SPOCK1: variants seen among roughly 807,000 people sequenced by gnomAD.
SPOCK1 encodes the protein SPARC (osteonectin), cwcv and kazal like domains proteoglycan 1.
A neutral mutation model predicts 55.3 loss-of-function variants in SPOCK1; 23 were observed. That is an observed-to-expected ratio of 0.42 (90% CI 0.30 to 0.59). SPOCK1 has a LOEUF of 0.59. Among genes scored for constraint, SPOCK1 ranks in the 20% least tolerant of loss-of-function variants. SPOCK1 has a pLI of 0.22. For synonymous variants in SPOCK1, 226 were observed against 221.0 expected (o/e 1.02, Z -0.20); for missense variants, 499 against 552.5 (o/e 0.90, Z 0.97).
At chr5:137,300,587 C>G (rs1757570855) in intron 2 of SPOCK1, among the ~76,000 whole-genome samples, 1 of 152,208 alleles carries the variant, frequency 6.6e-6, no homozygotes, top group Admixed American at 6.5e-5. Context: ...GCTGAAACTG[C>G]TCAGTTCTTC....
At chr5:137,042,279 G>A (rs1029710838) in intron 6 of SPOCK1, among the ~76,000 whole-genome samples, 7 of 152,224 alleles carry the variant, frequency 4.6e-5, no homozygotes, top group Admixed American at 3.9e-4. Context: ...AAACAGATCA[G>A]TGGTTCCCAG....
intron 2 of SPOCK1, among the ~76,000 whole-genome samples, chr5:137,269,095 A>G (rs960903771): frequency 6.6e-6 from 1 of 152,226 alleles, no homozygotes; most frequent in Admixed American, 6.5e-5. Context: ...ATTTTTACCT[A>G]TTTCTTAGGG....
intron 3 of SPOCK1, among the ~76,000 whole-genome samples, chr5:137,170,751 A>G (rs1398764114): frequency 6.6e-6 from 1 of 152,170 alleles, no homozygotes; most frequent in Non-Finnish European, 1.5e-5. Context: ...CTCCAGAACT[A>G]TGAGAAAATA....
chr5:136,994,680 C>G (rs1038686362), intron 6 of SPOCK1, among the ~76,000 whole-genome samples: 9 of 151,164 alleles, frequency 6.0e-5, no homozygotes, highest in African/African-American at 2.2e-4. Flanking sequence ...CTTGTGTTAT[C>G]TAGTAAGCTG....
At chr5:137,287,072 A>C (rs1300426716) in intron 2 of SPOCK1, among the ~76,000 whole-genome samples, 2 of 152,186 alleles carry the variant, frequency 1.3e-5, no homozygotes, top group Non-Finnish European at 2.9e-5. Context: ...AATAGGTGGC[A>C]CCCAGGGTCA....
chr5:137,371,116 C>A (rs1180485552), intron 2 of SPOCK1, among the ~76,000 whole-genome samples: 1 of 152,206 alleles, frequency 6.6e-6, no homozygotes, highest in Non-Finnish European at 1.5e-5. Context: ...TTCTGAAATA[C>A]CCAGTGTGCT....
intron 3 of SPOCK1, among the ~76,000 whole-genome samples, chr5:137,198,314 T>G (rs1309394265): frequency 6.6e-6 from 1 of 152,264 alleles, no homozygotes; most frequent in African/African-American, 2.4e-5. Context: ...GAAGAGACTC[T>G]GAAAGGATAA....
intron 3 of SPOCK1, among the ~76,000 whole-genome samples, chr5:137,186,895 G>A (rs1398785493): frequency 6.6e-6 from 1 of 152,102 alleles, no homozygotes. Context: ...TAACTCCAAA[G>A]GCCACATCAA....
intron 2 of SPOCK1, among the ~76,000 whole-genome samples, chr5:137,372,332 T>C (rs1450756978): frequency 6.6e-6 from 1 of 152,196 alleles, no homozygotes; most frequent in East Asian, 1.9e-4. Flanking sequence ...GAACCCCACA[T>C]TCTGCCAACC....
intron 6 of SPOCK1, among the ~76,000 whole-genome samples, chr5:137,022,326 T>G (rs1481751792): frequency 6.6e-6 from 1 of 152,060 alleles, no homozygotes; most frequent in Non-Finnish European, 1.5e-5. Context: ...ATGCCAAACA[T>G]GGAAGAATGC....
At chr5:137,400,789 A>C (rs1751957568) in intron 2 of SPOCK1, among the ~76,000 whole-genome samples, 1 of 152,144 alleles carries the variant, frequency 6.6e-6, no homozygotes, top group Non-Finnish European at 1.5e-5. Flanking sequence ...ATGGGCAAAC[A>C]CCCAAACACA....
Position 137,269,541 on chromosome 5 carries a change from A to G in SPOCK1, c.187-2486T>C, listed in dbSNP as rs1238010622. ...CTCTTAGCAGCCACTGCTGCAGTCT[A>G]TGTCAGGAAATAAGTGCTGGAGTAT... On this transcript the variant is annotated intron_variant, in intron 2 of 10. Coordinates refer to ENST00000394945, the MANE Select transcript of SPOCK1 (RefSeq NM_004598.4). Among the ~76,000 whole-genome samples, 3 of 152,156 alleles carry G rather than the reference A, an allele frequency of 2.0e-5. No homozygotes were observed. In the East Asian group the frequency reaches 5.8e-4, roughly 29 times the overall value.
chr5:136,976,010 G>A lies in SPOCK1; in HGVS notation c.*2644C>T, dbSNP rs1750603592. The A allele has an allele frequency of 6.6e-6, 1 of 152,194 alleles. No individual in the cohort carries two copies. Among genetic ancestry groups the A allele is most frequent in the South Asian group, 2.1e-4 (1 of 4,830 alleles). 9.4% of individuals were successfully genotyped at this position (152,194 alleles called of 1,614,324 possible). A position where few individuals can be genotyped will look rare whatever the true frequency, so the allele number is the denominator to read the frequency against. On this transcript the variant is annotated 3_prime_UTR_variant, in exon 11 of 11. Coordinates refer to ENST00000394945, the MANE Select transcript of SPOCK1 (RefSeq NM_004598.4). ...GTTTATTACAATATTTTTATAATCA[G>A]TATTTTATGTGTACTTGGTCACTAT...
chr5:137,173,345 CT>C (rs534506694), intron 3 of SPOCK1, among the ~76,000 whole-genome samples: 175 of 152,268 alleles, frequency 1.1e-3, no homozygotes, highest in African/African-American at 4.1e-3. Flanking sequence ...TCCTAGCCCC[CT>C]GGTAGTTCTG....
intron 2 of SPOCK1, among the ~76,000 whole-genome samples, chr5:137,298,122 G>T (rs1338691648): frequency 3.9e-5 from 6 of 152,236 alleles, no homozygotes; most frequent in South Asian, 2.1e-4. Flanking sequence ...ATAGTTGTAT[G>T]AAGATTACGT....
At chr5:137,482,026 C>A (rs951852288) in intron 2 of SPOCK1, among the ~76,000 whole-genome samples, 15 of 152,318 alleles carry the variant, frequency 9.8e-5, no homozygotes, top group African/African-American at 2.9e-4. Context: ...AGACATCTGA[C>A]CTTTACCTGG....
chr5:137,298,616 A>C (rs914376689), intron 2 of SPOCK1, among the ~76,000 whole-genome samples: 1 of 152,162 alleles, frequency 6.6e-6, no homozygotes, highest in African/African-American at 2.4e-5. Flanking sequence ...ACAAGAGAGA[A>C]TCTGTTTATT....
chr5:137,379,290 C>T (rs1751405950), intron 2 of SPOCK1, among the ~76,000 whole-genome samples: 2 of 151,456 alleles, frequency 1.3e-5, no homozygotes, highest in Admixed American at 1.3e-4. Context: ...CTTATTCTAG[C>T]TTTCCATCAC....
At chr5:137,161,050 C>A (rs1206437347) in intron 3 of SPOCK1, among the ~76,000 whole-genome samples, 5 of 144,842 alleles carry the variant, frequency 3.5e-5, no homozygotes, top group East Asian at 2.0e-4. Context: ...TTATATATAT[C>A]TCTCTAATAT....
Sources: allele counts gnomAD v4.1 joint callset (sites outside exome capture counted in the v4.1 genomes callset), GRCh38; gene constraint gnomAD v4.1.1; transcripts MANE v1.5; gene names NCBI Gene and HGNC (gene_info 2026-07-23, HGNC 2026-07-21).